ADAMTS5: variants seen among roughly 807,000 people sequenced by gnomAD.
ADAMTS5 encodes ADAM metallopeptidase with thrombospondin type 1 motif 5.
Under a neutral mutation model 81.4 loss-of-function variants are expected in ADAMTS5, and 54 were observed. That is an observed-to-expected ratio of 0.66 (90% CI 0.53 to 0.83). ADAMTS5 has a LOEUF of 0.83. Ranked by LOEUF, ADAMTS5 falls within the 40% of genes least tolerant of loss-of-function variation. The pLI is 0.00. For missense variants in ADAMTS5, 1,194 were observed against 1,229.9 expected (o/e 0.97, Z 0.44); for synonymous variants, 532 against 508.8 (o/e 1.05, Z -0.61).
At chr21:26,932,706 A>AAAAAAC (rs71331598) in intron 5 of ADAMTS5, among the ~76,000 whole-genome samples, 155 bp downstream of exon 5, 46,109 of 151,030 alleles carry the variant, frequency 0.31, 7,519 homozygotes, top group South Asian at 0.4. Context: ...ATCTCAAAAA[A>AAAAAAC]AAACAAACAC....
At chr21:26,933,782 G>A (rs1388326294) in intron 4 of ADAMTS5, among the ~76,000 whole-genome samples, 1 of 152,234 alleles carries the variant, frequency 6.6e-6, no homozygotes, top group African/African-American at 2.4e-5. Flanking sequence ...GGCTGACTGT[G>A]TCAGGTTATC....
chr21:26,954,926 G>T, intron 1 of ADAMTS5, 55 bp from the exon 2 acceptor site: 1 of 1,591,106 alleles, frequency 6.3e-7, no homozygotes. Context: ...AGAAGGAGCC[G>T]CCACATAGAG....
At chr21:26,931,557 A>G (rs1049486761) in intron 6 of ADAMTS5, among the ~76,000 whole-genome samples, 1 of 152,192 alleles carries the variant, frequency 6.6e-6, no homozygotes, top group African/African-American at 2.4e-5. Context: ...GACTTATTCA[A>G]AAGCCTGAGT....
intron 1 of ADAMTS5, among the ~76,000 whole-genome samples, 172 bp downstream of exon 1, chr21:26,965,116 C>A (rs1987611935): frequency 6.6e-6 from 1 of 152,198 alleles, no homozygotes; most frequent in Non-Finnish European, 1.5e-5. Flanking sequence ...TTCTGCGGGG[C>A]TAACGTGAAT....
At chr21:26,942,901 G>A (rs908047008) in intron 3 of ADAMTS5, among the ~76,000 whole-genome samples, 1 of 152,142 alleles carries the variant, frequency 6.6e-6, no homozygotes, top group African/African-American at 2.4e-5. Flanking sequence ...CTTCTAGTCA[G>A]TGCAAATCTA....
At chr21:26,932,828 T>C in intron 5 of ADAMTS5, 33 bp downstream of exon 5, 2 of 1,578,466 alleles carry the variant, frequency 1.3e-6, no homozygotes, top group Non-Finnish European at 1.7e-6. Context: ...ACATGTAGCA[T>C]ATGATGGTTG....
intron 1 of ADAMTS5, among the ~76,000 whole-genome samples, chr21:26,959,524 C>G (rs573941230): frequency 6.6e-6 from 1 of 152,264 alleles, no homozygotes; most frequent in East Asian, 1.9e-4. Flanking sequence ...ATACGTTATT[C>G]TTGACATTAA....
intron 7 of ADAMTS5, among the ~76,000 whole-genome samples, chr21:26,925,986 A>G (rs550774974): frequency 9.5e-4 from 144 of 152,372 alleles, no homozygotes; most frequent in African/African-American, 3.4e-3. Context: ...AGTACCTAAT[A>G]TTAATAAATA....
At position 26,964,165 on chromosome 21, in the gene ADAMTS5, C is replaced by T. The variant is rs972517211; in HGVS notation, c.1104+1123G>A. On this transcript the variant is annotated intron_variant, in intron 1 of 7. Coordinates refer to ENST00000284987, the MANE Select transcript of ADAMTS5 (RefSeq NM_007038.5). ...ATCTATTCTGGATGGGTCTCAAATA[C>T]TTAAAGAATGAGCTTTAGAAGTCAA... Among the ~76,000 whole-genome samples the T allele has an allele frequency of 3.5e-4, 54 of 152,130 alleles. 1 individual carries two copies. Among genetic ancestry groups the T allele is most frequent in the Admixed American group, 3.1e-3 (47 of 15,262 alleles).
rs892924209 is a variant in ADAMTS5 at position 26,918,771 on chromosome 21, G to A, written c.*5282C>T. ...GAAAAGGCTGAGATATAGTCACCAA[G>A]TGTTTACCAATAACATAAATTATTG... On this transcript the variant is annotated 3_prime_UTR_variant, in exon 8 of 8. Transcript: ENST00000284987. 1.3e-5 allele frequency: 2 copies of A among 151,676 alleles called. No individual in the cohort carries two copies. The highest frequency in any genetic ancestry group is 2.9e-5 in the Non-Finnish European group (2 of 67,880). The allele number at this position is 151,676 out of a possible 1,614,324, so 9.4% of individuals were successfully genotyped here.
rs147313887 is a variant in ADAMTS5, at chr21:26,926,490, T to C, written c.2226-1870A>G. On this transcript the variant is annotated intron_variant, in intron 7 of 7. Coordinates refer to ENST00000284987, the MANE Select transcript of ADAMTS5 (RefSeq NM_007038.5). ...GAGTTCCTGACCAGCCTGGCAAACA[T>C]AGGGAAACCCTGTCTGTACTAAAAA... Among the ~76,000 whole-genome samples the C allele has an allele frequency of 4.2e-3, 633 of 152,168 alleles. 3 individuals carry two copies. Among genetic ancestry groups the C allele is most frequent in the African/African-American group, 0.014 (573 of 41,514 alleles).
chr21:26,923,927 T>C lies in ADAMTS5; in HGVS notation c.*126A>G. ...CACAGAGAGCAGATTCTGCCCATAA[T>C]TGGACTCCTGTTGACAATGTCACTG... On this transcript the variant is annotated 3_prime_UTR_variant, in exon 8 of 8. Transcript: ENST00000284987. 1.0e-6 allele frequency: 1 copy of C among 992,986 alleles called. No homozygotes were observed. Among genetic ancestry groups the C allele is most frequent in the South Asian group, 1.8e-5 (1 of 56,042 alleles). 61.5% of individuals were successfully genotyped at this position (992,986 alleles called of 1,614,324 possible).
At chr21:26,937,038 T>C (rs1033987302) in intron 3 of ADAMTS5, among the ~76,000 whole-genome samples, 1 of 152,180 alleles carries the variant, frequency 6.6e-6, no homozygotes, top group African/African-American at 2.4e-5. Flanking sequence ...TAAGACTGGG[T>C]AACTAAATAT....
chr21:26,962,106 A>C (rs1987540295), intron 1 of ADAMTS5, among the ~76,000 whole-genome samples: 1 of 152,174 alleles, frequency 6.6e-6, no homozygotes, highest in Admixed American at 6.5e-5. Context: ...CAATCTATGA[A>C]AGAGTAAGGT....
At chr21:26,937,061 C>A (rs1987027386) in intron 3 of ADAMTS5, among the ~76,000 whole-genome samples, 1 of 152,212 alleles carries the variant, frequency 6.6e-6, no homozygotes, top group African/African-American at 2.4e-5. Context: ...GCTAGGAAGT[C>A]TTTACCATGT....
intron 1 of ADAMTS5, among the ~76,000 whole-genome samples, chr21:26,957,447 T>TGATAGATA (rs3838079): frequency 0.018 from 2,706 of 150,496 alleles, 69 homozygotes; most frequent in African/African-American, 0.055. Flanking sequence ...GATGGATAGA[T>TGATAGATA]GATAGATAGA....
chr21:26,936,288 T>C (rs966621359), intron 3 of ADAMTS5, among the ~76,000 whole-genome samples: 2 of 152,170 alleles, frequency 1.3e-5, no homozygotes, highest in African/African-American at 4.8e-5. Flanking sequence ...CCCTAATTTA[T>C]TTTCAAGATC....
chr21:26,964,128 T>C (rs1987587035), intron 1 of ADAMTS5, among the ~76,000 whole-genome samples: 1 of 152,178 alleles, frequency 6.6e-6, no homozygotes, highest in Non-Finnish European at 1.5e-5. Context: ...ACTTCAAAGT[T>C]TGTAATCCTT....
Position 26,965,273 on chromosome 21 carries a change from C to A in ADAMTS5, c.1104+15G>T. ...GATATCAGCGCTGGGACCCCCGCATCCCGGCTGGACCTACCTCCCGAGTAA... is the reference window on the plus strand; with the variant it reads ...GATATCAGCGCTGGGACCCCCGCATACCGGCTGGACCTACCTCCCGAGTAA... On this transcript the variant is annotated intron_variant, in intron 1 of 7. Transcript: ENST00000284987. 6.3e-7 allele frequency: 1 copy of A among 1,596,454 alleles called. No individual in the cohort carries two copies. The highest frequency in any genetic ancestry group is 8.6e-7 in the Non-Finnish European group (1 of 1,168,156).
Sources: allele counts gnomAD v4.1 joint callset (sites outside exome capture counted in the v4.1 genomes callset), GRCh38; gene constraint gnomAD v4.1.1; transcripts MANE v1.5; gene names NCBI Gene and HGNC (gene_info 2026-07-23, HGNC 2026-07-21).